NRP2: variants seen among roughly 807,000 people sequenced by gnomAD.
NRP2 encodes neuropilin-2.
NRP2 carries 52 observed loss-of-function variants against 110.4 expected under a neutral mutation model. The observed-to-expected ratio is 0.47, with a 90% confidence interval of 0.38 to 0.59. The LOEUF is 0.59. Ranked by LOEUF, NRP2 falls within the 20% of genes least tolerant of loss-of-function variation. The pLI, the probability that NRP2 is intolerant of heterozygous loss-of-function variation, is 0.00. For missense variants in NRP2, 1,049 were observed against 1,203.0 expected, an observed-to-expected ratio of 0.87 and a Z score of 1.89; for synonymous variants, 508 against 468.9, an observed-to-expected ratio of 1.08 and a Z score of -1.08.
At position 205,797,768 on chromosome 2, in the gene NRP2, T is replaced by G. The variant is rs2058362604; in HGVS notation, c.*2710T>G. On this transcript the variant is annotated 3_prime_UTR_variant, in exon 17 of 17. Transcript: ENST00000357785. ...ACCCCACTGCCAGTATTGATCTCCTTTTTGCCTTGTACTGAATGACACATT... is the reference window on the plus strand; with the variant it reads ...ACCCCACTGCCAGTATTGATCTCCTGTTTGCCTTGTACTGAATGACACATT... 1 of 152,682 alleles carries G rather than the reference T, an allele frequency of 6.5e-6. No individual in the cohort carries two copies. The highest frequency in any genetic ancestry group is 1.5e-5 in the Non-Finnish European group (1 of 68,074). 9.5% of individuals were successfully genotyped at this position (152,682 alleles called of 1,614,324 possible). A position where few individuals can be genotyped will look rare whatever the true frequency, so the allele number is the denominator to read the frequency against.
In NRP2 at chr2:205,743,170, A is replaced by G. The variant is rs200291757; in HGVS notation, c.1292-33A>G. 2.2e-4 allele frequency: 353 copies of G among 1,605,094 alleles called. 8 individuals carry two copies. In the African/African-American group the frequency reaches 3.8e-3, roughly 17 times the overall value. ...GGTCCCTGGTTAGCAGGTGTCAGCC[A>G]TGACCTCTTGTATCTTCCTCTCCTC... On this transcript the variant is annotated intron_variant, in intron 8 of 16. Transcript: ENST00000357785.
intron 15 of NRP2, among the ~76,000 whole-genome samples, chr2:205,773,301 G>A (rs2058050485): frequency 1.3e-5 from 2 of 152,204 alleles, no homozygotes; most frequent in African/African-American, 4.8e-5. Context: ...TAGGGGATCA[G>A]GAAGGGTTTG....
chr2:205,773,588 T>C (rs914058345), intron 15 of NRP2, among the ~76,000 whole-genome samples: 8 of 152,172 alleles, frequency 5.3e-5, no homozygotes, highest in Admixed American at 5.2e-4. Context: ...AGACTATGTC[T>C]GTGTCTCTGA....
intron 2 of NRP2, among the ~76,000 whole-genome samples, chr2:205,709,620 C>CA (rs2056757884): frequency 6.6e-6 from 1 of 152,250 alleles, no homozygotes; most frequent in Non-Finnish European, 1.5e-5. Flanking sequence ...GGTTACACAA[C>CA]ACCCTCTTAG....
intron 6 of NRP2, among the ~76,000 whole-genome samples, chr2:205,727,050 A>G (rs535551071): frequency 3.1e-4 from 47 of 152,332 alleles, no homozygotes; most frequent in African/African-American, 1.1e-3. Flanking sequence ...CCTTAATCAT[A>G]TACTTTCGCC....
At chr2:205,770,908 G>A (rs1411641760) in intron 15 of NRP2, among the ~76,000 whole-genome samples, 2 of 152,262 alleles carry the variant, frequency 1.3e-5, no homozygotes, top group East Asian at 3.9e-4. Flanking sequence ...TGTGAGGTTC[G>A]CTGGAGCATG....
intron 15 of NRP2, chr2:205,776,908 TGA>T: frequency 8.4e-7 from 1 of 1,197,264 alleles, no homozygotes; most frequent in Non-Finnish European, 1.1e-6. Flanking sequence ...CCAGGAGACG[TGA>T]GGGGAAGCCT....
At chr2:205,743,651 T>TCATC in intron 9 of NRP2, 99 bp downstream of exon 9, 2 of 1,517,450 alleles carry the variant, frequency 1.3e-6, no homozygotes, top group Non-Finnish European at 1.8e-6. Flanking sequence ...TAAACAGTCG[T>TCATC]CATCCAACTC....
intron 15 of NRP2, 62 bp downstream of exon 15, chr2:205,766,865 A>T (rs1285903608): frequency 1.3e-6 from 2 of 1,497,754 alleles, no homozygotes; most frequent in Admixed American, 3.4e-5. Context: ...CCCCCATGTG[A>T]TGTGAATTTG....
At position 205,763,824 on chromosome 2, in the gene NRP2, T is replaced by C; in HGVS notation, c.2195T>C (p.Val732Ala). 1.2e-6 allele frequency: 2 copies of C among 1,613,982 alleles called. No homozygotes were observed. The highest frequency in any genetic ancestry group is 1.3e-5 in the African/African-American group (1 of 75,012). Residue 732 changes from valine to alanine, a missense_variant, in exon 13 of 17, where the codon GTG becomes GCG. Val to Ala is a moderately conservative substitution (Grantham distance 64). Coordinates refer to ENST00000357785, the MANE Select transcript of NRP2 (RefSeq NM_003872.3). The surrounding 1 kb of genome is among the most constrained non-coding windows in gnomAD (Gnocchi z 4.0). ...GGCGGCCGCGGGGTGGCGCTGCAGG[T>C]GGTGCGGGAAGCCAGCCAGGAGAGC... ...ATGGRGVALQ[V>A]VREASQESKL...
intron 1 of NRP2, among the ~76,000 whole-genome samples, chr2:205,689,990 A>G (rs2056272038): frequency 6.6e-6 from 1 of 152,186 alleles, no homozygotes; most frequent in South Asian, 2.1e-4. Flanking sequence ...GGCTGGGAAT[A>G]ACAAAAGAGA....
At position 205,722,516 on chromosome 2, in the gene NRP2, G is replaced by C. The variant is rs34980616; in HGVS notation, c.472G>C (p.Gly158Arg). ...DCSKNFTSPN[G>R]TIESPGFPEK... is the part of the protein sequence containing the mutation. ...CTCAAAAAACTTCACAAGCCCCAACGGGACCATCGAATCTCCTGGGTTTCC... is the reference window on the plus strand; with the variant it reads ...CTCAAAAAACTTCACAAGCCCCAACCGGACCATCGAATCTCCTGGGTTTCC... Residue 158 changes from glycine (G) to arginine (R), a missense_variant, in exon 4 of 17, where the codon GGG becomes CGG. Physicochemically the swap from Gly to Arg is moderately radical, Grantham distance 125. Transcript: ENST00000357785. 21 of 1,614,028 alleles carry C rather than the reference G, an allele frequency of 1.3e-5. No homozygotes were observed. The African/African-American group carries it at 2.7e-4, about 21-fold the overall frequency.
Position 205,776,087 on chromosome 2 carries a change from G to A in NRP2, c.2425+9284G>A. 14 of 795,036 alleles carry A rather than the reference G, an allele frequency of 1.8e-5. 2 individuals are homozygous for A. The South Asian group carries it at 1.9e-4, about 11-fold the overall frequency. 49.2% of individuals were successfully genotyped at this position (795,036 alleles called of 1,614,324 possible). A position where few individuals can be genotyped will look rare whatever the true frequency, so the allele number is the denominator to read the frequency against. On this transcript the variant is annotated intron_variant, in intron 15 of 16. Coordinates refer to ENST00000357785, the MANE Select transcript of NRP2 (RefSeq NM_003872.3). ...TAGGAAATAATGCAATCGTTGAGAAGTGCTTGGCAGGTGCTAAGGACTGAG... is the reference window on the plus strand; with the variant it reads ...TAGGAAATAATGCAATCGTTGAGAAATGCTTGGCAGGTGCTAAGGACTGAG...
intron 15 of NRP2, chr2:205,778,056 G>T (rs1274974220): frequency 2.0e-5 from 3 of 152,202 alleles, no homozygotes; most frequent in African/African-American, 7.2e-5. Context: ...TTCATTGATA[G>T]AAAATGCAAA....
chr2:205,732,391 T>C (rs1275271522), intron 7 of NRP2, among the ~76,000 whole-genome samples: 1 of 152,094 alleles, frequency 6.6e-6, no homozygotes, highest in Non-Finnish European at 1.5e-5. Flanking sequence ...AGAGAAAGAG[T>C]GGTGTCAGAA....
chr2:205,693,571 A>G (rs2056358428), intron 1 of NRP2, among the ~76,000 whole-genome samples: 2 of 152,228 alleles, frequency 1.3e-5, no homozygotes, highest in Admixed American at 6.5e-5. Context: ...TGAAAGCTAC[A>G]CACCTAATTC....
At chr2:205,749,369 T>C (rs866122392) in intron 10 of NRP2, among the ~76,000 whole-genome samples, 1 of 152,230 alleles carries the variant, frequency 6.6e-6, no homozygotes, top group Non-Finnish European at 1.5e-5. Context: ...CATCCAGTTT[T>C]GTGCAAACAT....
intron 1 of NRP2, among the ~76,000 whole-genome samples, chr2:205,694,652 C>G (rs746657017): frequency 1.3e-5 from 2 of 152,182 alleles, no homozygotes; most frequent in Non-Finnish European, 2.9e-5. Flanking sequence ...TGAAACAGAA[C>G]AGCAACCATG....
At chr2:205,695,980 A>G (rs1490970347) in intron 1 of NRP2, among the ~76,000 whole-genome samples, 1 of 152,126 alleles carries the variant, frequency 6.6e-6, no homozygotes, top group Non-Finnish European at 1.5e-5. Flanking sequence ...TCATTAGGTA[A>G]GAAGATGATG....
Sources: allele counts gnomAD v4.1 joint callset (sites outside exome capture counted in the v4.1 genomes callset), GRCh38; gene constraint gnomAD v4.1.1; non-coding constraint Gnocchi (gnomAD v3.1); transcripts MANE v1.5; gene names NCBI Gene and HGNC (gene_info 2026-07-23, HGNC 2026-07-21).